Variants in CREB5 observed in about 807,000 individuals in gnomAD.
CREB5 encodes cAMP responsive element binding protein 5.
In CREB5, 19 loss-of-function variants were observed where a neutral mutation model predicts 57.1. That is an observed-to-expected ratio of 0.33 (90% CI 0.23 to 0.49). The LOEUF (loss-of-function observed/expected upper bound fraction) is 0.49, where lower values mean the gene tolerates loss of function less well. Among genes scored for constraint, CREB5 ranks in the 20% least tolerant of loss-of-function variants. The pLI is 0.99. For synonymous variants in CREB5, 238 were observed against 238.3 expected (o/e 1.00, Z 0.01); for missense variants, 579 against 671.6 (o/e 0.86, Z 1.52).
chr7:28,429,466 T>G (rs1452791428), intron 1 of CREB5, among the ~76,000 whole-genome samples: 1 of 152,240 alleles, frequency 6.6e-6, no homozygotes, highest in Admixed American at 6.5e-5. Flanking sequence ...AACCAATGAC[T>G]GTTATTAATG....
intron 5 of CREB5, among the ~76,000 whole-genome samples, chr7:28,683,383 C>A (rs1800697884): frequency 6.6e-6 from 1 of 152,064 alleles, no homozygotes; most frequent in Non-Finnish European, 1.5e-5. Flanking sequence ...TAGTTATGTC[C>A]CGAACAACAA....
chr7:28,545,555 A>G (rs1232065737), intron 4 of CREB5, among the ~76,000 whole-genome samples: 1 of 152,216 alleles, frequency 6.6e-6, no homozygotes, highest in Non-Finnish European at 1.5e-5. Flanking sequence ...ATTTTCAGAA[A>G]CTTAGAAGAT....
At chr7:28,521,582 T>C (rs1382061869) in intron 4 of CREB5, among the ~76,000 whole-genome samples, 2 of 152,202 alleles carry the variant, frequency 1.3e-5, no homozygotes, top group Non-Finnish European at 2.9e-5. Context: ...AATTGCATGA[T>C]TTATTGTTTA....
chr7:28,444,668 T>C (rs1348495728), intron 1 of CREB5, among the ~76,000 whole-genome samples: 1 of 152,214 alleles, frequency 6.6e-6, no homozygotes, highest in Non-Finnish European at 1.5e-5. Context: ...CATGGATTAG[T>C]ATAGCACAGT....
intron 1 of CREB5, among the ~76,000 whole-genome samples, chr7:28,368,356 C>G (rs111563420): frequency 2.9e-4 from 44 of 152,158 alleles, no homozygotes; most frequent in African/African-American, 1.0e-3. Flanking sequence ...TAACCAAAAA[C>G]CACCTGTACC....
At chr7:28,718,921 C>T in intron 6 of CREB5, 42 bp downstream of exon 6, 2 of 1,612,720 alleles carry the variant, frequency 1.2e-6, no homozygotes, top group Middle Eastern at 1.7e-4. Context: ...GTCACTTGCA[C>T]TGAGGTTTGC....
intron 4 of CREB5, among the ~76,000 whole-genome samples, chr7:28,552,952 GA>G (rs1207528365): frequency 6.6e-6 from 1 of 152,214 alleles, no homozygotes; most frequent in Non-Finnish European, 1.5e-5. Context: ...TTCCACTGAT[GA>G]TAGTCAACCA....
upstream of CREB5, chr7:28,409,281 A>G (rs1466296830): frequency 2.6e-5 from 4 of 152,276 alleles, no homozygotes; most frequent in East Asian, 2.0e-4. The surrounding 1 kb of genome is among the most constrained non-coding windows in gnomAD (Gnocchi z 4.4). Flanking sequence ...GCGGACCGCA[A>G]TGATTTAGAA....
At chr7:28,806,353 A>C (rs1190681266) in intron 8 of CREB5, among the ~76,000 whole-genome samples, 2 of 152,212 alleles carry the variant, frequency 1.3e-5, no homozygotes, top group Non-Finnish European at 2.9e-5. Flanking sequence ...GCAGTATCCC[A>C]AAATACCACT....
intron 7 of CREB5, among the ~76,000 whole-genome samples, chr7:28,787,950 A>G (rs948961719): frequency 1.3e-5 from 2 of 152,184 alleles, no homozygotes; most frequent in Non-Finnish European, 2.9e-5. Flanking sequence ...ATATGTCACA[A>G]AGACATTTTG....
At chr7:28,543,453 C>CT in intron 4 of CREB5, among the ~76,000 whole-genome samples, 1 of 152,010 alleles carries the variant, frequency 6.6e-6, no homozygotes, top group East Asian at 1.9e-4. Context: ...TGCCCAATGT[C>CT]TTTTTAAAAT....
chr7:28,804,570 C>T, intron 8 of CREB5, 48 bp downstream of exon 8: 1 of 1,590,988 alleles, frequency 6.3e-7, no homozygotes, highest in Non-Finnish European at 8.6e-7. Flanking sequence ...TCCTTCTTAA[C>T]AGTGCAAGCT....
intron 1 of CREB5, among the ~76,000 whole-genome samples, chr7:28,376,132 T>G (rs1784141838): frequency 6.6e-6 from 1 of 152,202 alleles, no homozygotes; most frequent in Non-Finnish European, 1.5e-5. Flanking sequence ...GCTGACTGTA[T>G]GCTGGTGCCA....
intron 5 of CREB5, among the ~76,000 whole-genome samples, chr7:28,597,699 C>T (rs1197314212): frequency 6.6e-6 from 1 of 152,142 alleles, no homozygotes; most frequent in Non-Finnish European, 1.5e-5. Flanking sequence ...ACTCTAGAGC[C>T]TCCCCAGTCT....
chr7:28,694,323 A>G (rs1801425097), intron 5 of CREB5, among the ~76,000 whole-genome samples: 1 of 152,118 alleles, frequency 6.6e-6, no homozygotes, highest in East Asian at 1.9e-4. Context: ...TGCTCTCACC[A>G]GCATCCACCC....
intron 7 of CREB5, among the ~76,000 whole-genome samples, chr7:28,783,076 G>A (rs1807083147): frequency 6.6e-6 from 1 of 152,162 alleles, no homozygotes; most frequent in Admixed American, 6.5e-5. Context: ...ACAGTGAAGA[G>A]GTTCTAACTG....
At chr7:28,645,277 C>A (rs1798846181) in intron 5 of CREB5, among the ~76,000 whole-genome samples, 2 of 152,304 alleles carry the variant, frequency 1.3e-5, no homozygotes, top group African/African-American at 2.4e-5. Flanking sequence ...ACCTTTGAAT[C>A]TTCATGAGGG....
intron 4 of CREB5, among the ~76,000 whole-genome samples, chr7:28,521,208 GA>G (rs1793193634): frequency 1.3e-5 from 2 of 152,164 alleles, no homozygotes; most frequent in Admixed American, 1.3e-4. Flanking sequence ...TATTACAAAG[GA>G]AAGAGTAAAA....
intron 1 of CREB5, among the ~76,000 whole-genome samples, chr7:28,440,156 C>G (rs887034043): frequency 6.6e-6 from 1 of 152,150 alleles, no homozygotes; most frequent in Non-Finnish European, 1.5e-5. Context: ...AAATTATTGC[C>G]AAATCTTGCA....
Sources: allele counts gnomAD v4.1 joint callset (sites outside exome capture counted in the v4.1 genomes callset), GRCh38; gene constraint gnomAD v4.1.1; non-coding constraint Gnocchi (gnomAD v3.1); transcripts MANE v1.5; gene names NCBI Gene and HGNC (gene_info 2026-07-23, HGNC 2026-07-21).